AGBL4: variants seen among roughly 807,000 people sequenced by gnomAD.
AGBL4 encodes the protein cytosolic carboxypeptidase 6.
A neutral mutation model predicts 66.4 loss-of-function variants in AGBL4; 58 were observed. The ratio of observed to expected loss-of-function variants is 0.87; its 90% confidence interval spans 0.71 to 1.09. The LOEUF is 1.09. AGBL4 is among the 50% of genes least tolerant of loss of function. The pLI, the probability that AGBL4 is intolerant of heterozygous loss-of-function variation, is 0.00. For missense variants in AGBL4, 579 were observed against 631.0 expected, an observed-to-expected ratio of 0.92 and a Z score of 0.88; for synonymous variants, 234 against 222.9, an observed-to-expected ratio of 1.05 and a Z score of -0.44.
intron 4 of AGBL4, among the ~76,000 whole-genome samples, chr1:49,160,553 T>G (rs1388948226): frequency 6.6e-6 from 1 of 152,144 alleles, no homozygotes; most frequent in African/African-American, 2.4e-5. Flanking sequence ...GGAGGCAGTC[T>G]GACCCTTAGC....
At chr1:49,051,454 C>A (rs759117741) in intron 4 of AGBL4, among the ~76,000 whole-genome samples, 1 of 152,140 alleles carries the variant, frequency 6.6e-6, no homozygotes, top group African/African-American at 2.4e-5. Flanking sequence ...TACTCAGGGG[C>A]TGAAAGCAAA....
chr1:49,239,704 T>A (rs1651060560), intron 4 of AGBL4, among the ~76,000 whole-genome samples: 1 of 152,110 alleles, frequency 6.6e-6, no homozygotes, highest in Non-Finnish European at 1.5e-5. Context: ...ACTGAATTAA[T>A]TTATAAATAG....
intron 3 of AGBL4, among the ~76,000 whole-genome samples, chr1:49,572,145 G>T (rs1449229917): frequency 4.6e-5 from 7 of 152,082 alleles, no homozygotes; most frequent in African/African-American, 1.4e-4. Flanking sequence ...CAAAAAAATG[G>T]TATTAGTTAT....
chr1:48,628,553 G>T (rs1189243982), intron 9 of AGBL4, among the ~76,000 whole-genome samples: 2 of 152,082 alleles, frequency 1.3e-5, no homozygotes, highest in Non-Finnish European at 2.9e-5. Context: ...GAAGCCAAAT[G>T]CCTTGGGGCA....
At chr1:49,679,920 T>C (rs1646655620) in intron 3 of AGBL4, among the ~76,000 whole-genome samples, 1 of 152,172 alleles carries the variant, frequency 6.6e-6, no homozygotes. Flanking sequence ...TGCATTGAAC[T>C]GCATTAGATG....
At chr1:49,491,282 T>G (rs2148743750) in intron 3 of AGBL4, among the ~76,000 whole-genome samples, 1 of 151,944 alleles carries the variant, frequency 6.6e-6, no homozygotes, top group South Asian at 2.1e-4. Context: ...TGCAGATAAA[T>G]CTATCCTAAT....
intron 9 of AGBL4, among the ~76,000 whole-genome samples, chr1:48,623,533 C>T (rs1035011679): frequency 3.9e-5 from 6 of 152,208 alleles, no homozygotes; most frequent in Non-Finnish European, 8.8e-5. Flanking sequence ...AAATAATGGA[C>T]AAATTGGGCA....
intron 9 of AGBL4, among the ~76,000 whole-genome samples, chr1:48,631,007 G>A (rs948076821): frequency 7.9e-5 from 12 of 152,146 alleles, no homozygotes; most frequent in African/African-American, 2.9e-4. Context: ...GTAAATGTCT[G>A]TCTCCACCAG....
chr1:49,450,767 C>T (rs115424526), intron 3 of AGBL4, among the ~76,000 whole-genome samples: 24 of 152,052 alleles, frequency 1.6e-4, no homozygotes, highest in African/African-American at 4.8e-4. Context: ...AGGAAAAAAA[C>T]GGAACTTTCA....
At chr1:49,024,283 A>G (rs1462183562) in intron 5 of AGBL4, among the ~76,000 whole-genome samples, 2 of 152,106 alleles carry the variant, frequency 1.3e-5, no homozygotes, top group African/African-American at 4.8e-5. Context: ...AATCCTGAAC[A>G]TGACAGGGAG....
At chr1:49,530,928 A>G (rs1651090929) in intron 3 of AGBL4, among the ~76,000 whole-genome samples, 1 of 152,092 alleles carries the variant, frequency 6.6e-6, no homozygotes. Context: ...TATCTATAAA[A>G]TAGGGGAAAT....
intron 2 of AGBL4, among the ~76,000 whole-genome samples, chr1:49,723,289 T>C (rs1281975490): frequency 6.6e-6 from 1 of 152,124 alleles, no homozygotes; most frequent in Non-Finnish European, 1.5e-5. Flanking sequence ...AGTTTATTTA[T>C]TTAGGTCAGA....
chr1:48,801,302 C>T (rs538780348), intron 6 of AGBL4, among the ~76,000 whole-genome samples: 10 of 152,310 alleles, frequency 6.6e-5, no homozygotes, highest in East Asian at 1.9e-4. Context: ...CTGCCCACAC[C>T]GTTGGCTGCA....
At chr1:48,664,415 G>A (rs1035067516) in intron 6 of AGBL4, among the ~76,000 whole-genome samples, 2 of 152,168 alleles carry the variant, frequency 1.3e-5, no homozygotes, top group Non-Finnish European at 2.9e-5. Flanking sequence ...GATCATCCAA[G>A]GAGAATGAGA....
chr1:49,454,345 G>C (rs948595607), intron 3 of AGBL4, among the ~76,000 whole-genome samples: 1 of 151,732 alleles, frequency 6.6e-6, no homozygotes, highest in African/African-American at 2.4e-5. Flanking sequence ...GTCAGTGCTG[G>C]GAAGTACCTT....
At chr1:49,142,239 C>G (rs1246202150) in intron 4 of AGBL4, among the ~76,000 whole-genome samples, 1 of 152,164 alleles carries the variant, frequency 6.6e-6, no homozygotes, top group Non-Finnish European at 1.5e-5. Flanking sequence ...TTGTATTCCA[C>G]AAAACCAGTC....
chr1:49,778,845 A>G (rs1227514009), intron 2 of AGBL4, among the ~76,000 whole-genome samples: 1 of 152,238 alleles, frequency 6.6e-6, no homozygotes, highest in Non-Finnish European at 1.5e-5. Flanking sequence ...GTTGAAAACT[A>G]ACACGTATAA....
At chr1:49,245,176 C>G (rs1375328514) in intron 4 of AGBL4, among the ~76,000 whole-genome samples, 1 of 149,482 alleles carries the variant, frequency 6.7e-6, no homozygotes, top group Non-Finnish European at 1.5e-5. Flanking sequence ...TTATTATTAC[C>G]ATCATTATTA....
Position 49,437,716 on chromosome 1 carries a change from C to T in AGBL4, c.283-191852G>A, listed in dbSNP as rs78949349. On this transcript the variant is annotated intron_variant, in intron 3 of 13. Transcript: ENST00000371839. ...AGGCAACTTTAAGAATGCCTGAAAGCGTTATTTTTTGCTTACATTTCAAAT... is the reference window on the plus strand; with the variant it reads ...AGGCAACTTTAAGAATGCCTGAAAGTGTTATTTTTTGCTTACATTTCAAAT... 8.1e-3 allele frequency among the ~76,000 whole-genome samples: 1,222 copies of T among 151,494 alleles called. 9 individuals are homozygous for T. The highest frequency in any genetic ancestry group is 0.031 in the Middle Eastern group (9 of 294).
Sources: gnomAD v4.1 joint callset for allele counts (sites outside exome capture counted in the v4.1 genomes callset) on GRCh38, gnomAD v4.1.1 for gene constraint, MANE v1.5 for transcripts, NCBI Gene and HGNC (gene_info 2026-07-23, HGNC 2026-07-21) for gene names.